MRPL10: variants seen among roughly 807,000 people sequenced by gnomAD.
MRPL10 encodes the protein large ribosomal subunit protein uL10m.
A neutral mutation model predicts 19.8 loss-of-function variants in MRPL10; 14 were observed. The ratio of observed to expected loss-of-function variants is 0.71; its 90% CI spans 0.47 to 1.11. The LOEUF (loss-of-function observed/expected upper bound fraction) is 1.11, where lower values mean the gene tolerates loss of function less well. Among genes scored for constraint, MRPL10 ranks in the 50% least tolerant of loss-of-function variants. MRPL10 has a pLI of 0.00. For synonymous variants in MRPL10, 129 were observed against 139.2 expected (o/e 0.93, Z 0.52); for missense variants, 318 against 339.6 (o/e 0.94, Z 0.50).
intron 1 of MRPL10, 106 bp from the exon 2 acceptor site, chr17:47,828,776 A>G: frequency 1.2e-6 from 1 of 852,616 alleles, no homozygotes; most frequent in Non-Finnish European, 1.6e-6. Flanking sequence ...CACAGCTCAC[A>G]GAGCTAGACT....
chr17:47,831,487 G>C lies in MRPL10; in HGVS notation c.25C>G (p.Leu9Val). ...GCCTGGGGCAGGAGACCCCCTCGCA[G>C]CATCCCCGCCACGGCCGCAGCCATC... MAAAVAGM[L>V]RGGLLPQAGR... The change falls in exon 1 of 5, where the codon CTG (leucine) becomes GTG (valine). Residue 9 changes from leucine (L) to valine (V), a missense_variant. Leu to Val is a conservative substitution (Grantham distance 32). Coordinates refer to ENST00000351111, the MANE Select transcript of MRPL10 (RefSeq NM_145255.4). 6.5e-7 allele frequency: 1 copy of C among 1,548,794 alleles called. No individual in the cohort carries two copies. Among genetic ancestry groups the C allele is most frequent in the Non-Finnish European group, 8.7e-7 (1 of 1,146,648 alleles).
chr17:47,824,379 C>A lies in MRPL10; in HGVS notation c.612G>T (p.Gln204His). The change falls in exon 5 of 5, where the codon CAG (glutamine) becomes CAT (histidine). Residue 204 changes from glutamine (Q) to histidine (H), a missense_variant. Gln to His is a conservative substitution (Grantham distance 24). Transcript: ENST00000351111. ...YSKLPSLPLVQGELVGGLTCL... is the reference protein window; with the variant it reads ...YSKLPSLPLVHGELVGGLTCL... The stretch of plus-strand genomic sequence containing the variant: ...AGGTGAGGCCTCCTACAAGCTCCCC[C>A]TGCACCAGGGGCAGGCTGGGGAGCT... The A allele has an allele frequency of 1.9e-6, 3 of 1,609,080 alleles. No homozygotes were observed. Among genetic ancestry groups the A allele is most frequent in the Non-Finnish European group, 2.5e-6 (3 of 1,176,532 alleles).
In MRPL10 at chr17:47,831,161, G is replaced by A. The variant is rs1452440905; in HGVS notation, c.52+299C>T. On this transcript the variant is annotated intron_variant, in intron 1 of 4. Coordinates refer to ENST00000351111, the MANE Select transcript of MRPL10 (RefSeq NM_145255.4). The stretch of plus-strand genomic sequence containing the variant: ...AAACAAATGCAAAATTACAGATTGC[G>A]ACGGGGCTAAGGAGTCAAGGGAAGA... 1.0e-5 allele frequency: 6 copies of A among 597,980 alleles called. No individual in the cohort carries two copies. The African/African-American group carries it at 1.2e-4, about 12-fold the overall frequency. 37.0% of individuals were successfully genotyped at this position (597,980 alleles called of 1,614,324 possible).
chr17:47,828,263 T>A, intron 2 of MRPL10: 1 of 370,414 alleles, frequency 2.7e-6, no homozygotes, highest in Non-Finnish European at 4.8e-6. Context: ...AGGGTAGCTC[T>A]CACACACACA....
rs1216486082 is a variant in MRPL10 at position 47,824,183 on chromosome 17, C to T, written c.*22G>A. 1 of 1,613,872 alleles carries T rather than the reference C, an allele frequency of 6.2e-7. No homozygotes were observed. The highest frequency in any genetic ancestry group is 8.5e-7 in the Non-Finnish European group (1 of 1,180,012). On this transcript the variant is annotated 3_prime_UTR_variant, in exon 5 of 5. Coordinates refer to ENST00000351111, the MANE Select transcript of MRPL10 (RefSeq NM_145255.4). ...CAATAACGCAGAGTGTATTTATGCG[C>T]AGGGCTGGCTAAACAGGCTGGCTAC...
At chr17:47,826,266 A>G (rs2033531477) in intron 4 of MRPL10, among the ~76,000 whole-genome samples, 1 of 151,678 alleles carries the variant, frequency 6.6e-6, no homozygotes, top group Non-Finnish European at 1.5e-5. Flanking sequence ...AGTCAGCATC[A>G]GGGGAGTCTG....
chr17:47,824,313 G>A lies in MRPL10; in HGVS notation c.678C>T (p.Pro226=), dbSNP rs201192515. ...GGTCCAACAGGGTGGTCAGCTGGAG[G>A]GGCTGGTGCTGGAGCAGGGAGTGGG... ...AQTHSLLQHQ[P]LQLTTLLDQY... The change falls in exon 5 of 5, where the codon CCC becomes CCT. Residue 226 remains proline, a synonymous_variant. Transcript: ENST00000351111. 150 of 1,614,146 alleles carry A rather than the reference G, an allele frequency of 9.3e-5. 2 individuals carry two copies. The East Asian group carries it at 3.3e-3, about 35-fold the overall frequency.
chr17:47,826,527 G>A (rs551100194), intron 4 of MRPL10, 110 bp downstream of exon 4: 45 of 1,376,142 alleles, frequency 3.3e-5, no homozygotes, highest in South Asian at 1.0e-4. Flanking sequence ...GGCTCCATCC[G>A]TGAAAGGATG....
chr17:47,831,308 T>C, intron 1 of MRPL10, 152 bp downstream of exon 1: 1 of 1,530,750 alleles, frequency 6.5e-7, no homozygotes, highest in East Asian at 2.5e-5. Context: ...TTGCTGTGAT[T>C]ACCAGTCGAG....
In MRPL10 at chr17:47,827,161, ACTG is replaced by A; in HGVS notation, c.263_265del (p.Ala88del). On this transcript the variant is annotated inframe_deletion, in exon 3 of 5. Coordinates refer to ENST00000351111, the MANE Select transcript of MRPL10 (RefSeq NM_145255.4). ...GGCTATCATTCGGTTGTCCTGGAAA[ACTG>A]CTGCTATCTCCCGGCGGAGAAGCCT... The A allele has an allele frequency of 6.2e-7, 1 of 1,613,988 alleles. No homozygotes were observed. The highest frequency in any genetic ancestry group is 2.2e-5 in the East Asian group (1 of 44,882).
Position 47,828,595 on chromosome 17 carries a change from T to C in MRPL10, c.128A>G (p.Gln43Arg), listed in dbSNP as rs757421054. Residue 43 changes from glutamine (Q) to arginine (R), a missense_variant, in exon 2 of 5, where the codon CAG becomes CGG. Coordinates refer to ENST00000351111, the MANE Select transcript of MRPL10 (RefSeq NM_145255.4). ...VTRHRRVMHF[Q>R]RQKLMAVTEY... ...AGTCACAGCCATCAGCTTCTGCCGC[T>C]GAAAGTGCATCACACGACGGTGGCG... The C allele has an allele frequency of 6.6e-7, 1 of 1,521,084 alleles. No homozygotes were observed. The highest frequency in any genetic ancestry group is 8.8e-7 in the Non-Finnish European group (1 of 1,142,080). The allele number at this position is 1,521,084 out of a possible 1,614,324, so 94.2% of individuals were successfully genotyped here.
chr17:47,831,480 C>A lies in MRPL10; in HGVS notation c.32G>T (p.Gly11Val), dbSNP rs375831899. MAAAVAGMLR[G>V]GLLPQAGRLP... ...CTTACCCGCCTGGGGCAGGAGACCC[C>A]CTCGCAGCATCCCCGCCACGGCCGC... is the stretch of plus-strand genomic sequence containing the variant. The change falls in exon 1 of 5, where the codon GGG (glycine) becomes GTG (valine). Residue 11 changes from glycine to valine, a missense_variant. Gly to Val is a moderately radical substitution (Grantham distance 109). Coordinates refer to ENST00000351111, the MANE Select transcript of MRPL10 (RefSeq NM_145255.4). 40 of 1,549,044 alleles carry A rather than the reference C, an allele frequency of 2.6e-5. No homozygotes were observed. In the Admixed American group the frequency reaches 6.5e-4, roughly 25 times the overall value.
At chr17:47,828,929 A>G (rs1272365288) in intron 1 of MRPL10, among the ~76,000 whole-genome samples, 1 of 152,186 alleles carries the variant, frequency 6.6e-6, no homozygotes, top group African/African-American at 2.4e-5. Flanking sequence ...GAAATGTGAG[A>G]AAAAAATGAG....
chr17:47,826,281 ACACTGGT>A (rs1319938425), intron 4 of MRPL10, among the ~76,000 whole-genome samples: 1 of 152,068 alleles, frequency 6.6e-6, no homozygotes, highest in Non-Finnish European at 1.5e-5. Flanking sequence ...AGTCTGGGAA[ACACTGGT>A]CACTGGCCCT....
Position 47,824,248 on chromosome 17 carries a change from G to A in MRPL10, c.743C>T (p.Ser248Leu), listed in dbSNP as rs1294555640. The change falls in exon 5 of 5, where the codon TCG (serine) becomes TTG (leucine). Residue 248 changes from serine (S) to leucine (L), a missense_variant. Physicochemically the swap from Ser to Leu is moderately radical, Grantham distance 145. Coordinates refer to ENST00000351111, the MANE Select transcript of MRPL10 (RefSeq NM_145255.4). ...REQREKDSVM[S>L]ANGKPDPDTV... ...GTCAGGATCTGGCTTCCCATTGGCC[G>A]ACATGACAGAATCCTTCTCGCGTTG... The A allele has an allele frequency of 8.7e-6, 14 of 1,614,044 alleles. No individual in the cohort carries two copies. The highest frequency in any genetic ancestry group is 1.3e-5 in the African/African-American group (1 of 74,924).
intron 2 of MRPL10, among the ~76,000 whole-genome samples, chr17:47,827,592 G>A (rs1270120024): frequency 6.6e-6 from 1 of 152,270 alleles, no homozygotes; most frequent in African/African-American, 2.4e-5. Flanking sequence ...CTTTTGCAGT[G>A]TTAGTTTAAA....
intron 2 of MRPL10, 106 bp downstream of exon 2, chr17:47,828,395 A>G: frequency 1.4e-6 from 1 of 736,204 alleles, no homozygotes; most frequent in Admixed American, 3.6e-5. Context: ...TGAAATAATG[A>G]CGTGCATGAC....
At position 47,824,250 on chromosome 17, in the gene MRPL10, C is replaced by T; in HGVS notation, c.741G>A (p.Met247Ile). 1 of 1,614,200 alleles carries T rather than the reference C, an allele frequency of 6.2e-7. No individual in the cohort carries two copies. The highest frequency in any genetic ancestry group is 8.5e-7 in the Non-Finnish European group (1 of 1,180,032). ...CAGGATCTGGCTTCCCATTGGCCGACATGACAGAATCCTTCTCGCGTTGCT... is the reference window on the plus strand; with the variant it reads ...CAGGATCTGGCTTCCCATTGGCCGATATGACAGAATCCTTCTCGCGTTGCT... ...IREQREKDSV[M>I]SANGKPDPDT... The change falls in exon 5 of 5, where the codon ATG (methionine) becomes ATA (isoleucine). Residue 247 changes from methionine to isoleucine, a missense_variant. Physicochemically the swap from Met to Ile is conservative, Grantham distance 10. Coordinates refer to ENST00000351111, the MANE Select transcript of MRPL10 (RefSeq NM_145255.4).
Position 47,824,023 on chromosome 17 carries a change from C to T in MRPL10, c.*182G>A. ...GGAAAACTAAGGACGAAGCCGGTGA[C>T]TGACATCTGAAATGGAATCCTCTGC... On this transcript the variant is annotated 3_prime_UTR_variant, in exon 5 of 5. Coordinates refer to ENST00000351111, the MANE Select transcript of MRPL10 (RefSeq NM_145255.4). The T allele has an allele frequency of 2.7e-6, 2 of 735,850 alleles. No homozygotes were observed. Among genetic ancestry groups the T allele is most frequent in the South Asian group, 1.9e-5 (1 of 54,000 alleles). The allele number at this position is 735,850 out of a possible 1,614,324, so 45.6% of individuals were successfully genotyped here.
Sources: allele counts gnomAD v4.1 joint callset (sites outside exome capture counted in the v4.1 genomes callset), GRCh38; gene constraint gnomAD v4.1.1; transcripts MANE v1.5; gene names NCBI Gene and HGNC (gene_info 2026-07-23, HGNC 2026-07-21).